TET1: variants seen among roughly 807,000 people sequenced by gnomAD.
TET1 encodes the protein methylcytosine dioxygenase TET1.
A neutral mutation model predicts 148.7 loss-of-function variants in TET1; 13 were observed. The observed-to-expected ratio is 0.09, with a 90% CI of 0.06 to 0.14. The LOEUF (loss-of-function observed/expected upper bound fraction) is 0.14. Ranked by LOEUF, TET1 falls within the 10% of genes least tolerant of loss-of-function variation. TET1 has a pLI of 1.00. For synonymous variants in TET1, 907 were observed against 937.2 expected, an observed-to-expected ratio of 0.97 and a Z score of 0.59; for missense variants, 2,182 against 2,553.8, an observed-to-expected ratio of 0.85 and a Z score of 3.14.
At chr10:68,585,097 C>T (rs1211481276) in intron 2 of TET1, among the ~76,000 whole-genome samples, 2 of 152,108 alleles carry the variant, frequency 1.3e-5, no homozygotes, top group African/African-American at 2.4e-5. Context: ...CTCTGCCTCC[C>T]GGGTTCAATC....
chr10:68,568,285 C>G (rs1033763461), intron 1 of TET1, among the ~76,000 whole-genome samples: 8 of 138,218 alleles, frequency 5.8e-5, no homozygotes, highest in African/African-American at 2.2e-4. Flanking sequence ...TGCAATGGTG[C>G]GATCTTGGCT....
chr10:68,634,810 T>G (rs35875474), intron 3 of TET1, among the ~76,000 whole-genome samples: 73,311 of 151,878 alleles, frequency 0.48, 18,833 homozygotes, highest in Non-Finnish European at 0.58. Flanking sequence ...TGTCGCCCAG[T>G]CTGGAGTGCG....
At chr10:68,601,973 T>C (rs1452826216) in intron 3 of TET1, among the ~76,000 whole-genome samples, 5 of 152,220 alleles carry the variant, frequency 3.3e-5, no homozygotes, top group Non-Finnish European at 5.9e-5. Flanking sequence ...GAACTATGAA[T>C]GTGGCAGAAT....
rs765094207 is a variant in TET1 at position 68,645,136 on chromosome 10, G to A, written c.2407G>A (p.Ala803Thr). Reference sequence around the variant, plus strand: ...AAAAGACACTGCAAACCATAAAAACGCTATGAGCTCTGTTGCTACTGATAT... The same window carrying A: ...AAAAGACACTGCAAACCATAAAAACACTATGAGCTCTGTTGCTACTGATAT... ...FLKDTANHKN[A>T]MSSVATDMSC... The change falls in exon 4 of 12, where the codon GCT (alanine) becomes ACT (threonine). Residue 803 changes from alanine to threonine, a missense_variant. By Grantham distance (58) the Ala-to-Thr change is moderately conservative. Transcript: ENST00000373644. 20 of 1,613,754 alleles carry A rather than the reference G, an allele frequency of 1.2e-5. No individual in the cohort carries two copies. Among genetic ancestry groups the A allele is most frequent in the East Asian group, 4.5e-5 (2 of 44,890 alleles).
At chr10:68,564,505 T>C (rs1264489710) in intron 1 of TET1, among the ~76,000 whole-genome samples, 1 of 152,182 alleles carries the variant, frequency 6.6e-6, no homozygotes, top group Non-Finnish European at 1.5e-5. Flanking sequence ...AAAAGATCTG[T>C]TGATTGAGTA....
At chr10:68,604,654 A>G (rs2054100120) in intron 3 of TET1, among the ~76,000 whole-genome samples, 1 of 152,194 alleles carries the variant, frequency 6.6e-6, no homozygotes, top group African/African-American at 2.4e-5. Context: ...CCTCTGATGT[A>G]GTACACGCTG....
At chr10:68,684,787 C>T (rs2055487967) in intron 10 of TET1, among the ~76,000 whole-genome samples, 1 of 152,090 alleles carries the variant, frequency 6.6e-6, no homozygotes, top group Non-Finnish European at 1.5e-5. Context: ...GGTTTACTCT[C>T]TACTCCTTAT....
At chr10:68,596,027 C>CATAT (rs1554932889) in intron 2 of TET1, among the ~76,000 whole-genome samples, 9,235 of 61,392 alleles carry the variant, frequency 0.15, 1,301 homozygotes, top group Non-Finnish European at 0.19. Context: ...CACACACACA[C>CATAT]ATATATATAT....
At chr10:68,606,833 T>C (rs2054132067) in intron 3 of TET1, among the ~76,000 whole-genome samples, 2 of 152,228 alleles carry the variant, frequency 1.3e-5, no homozygotes, top group African/African-American at 4.8e-5. Context: ...ATTGTCTTTA[T>C]TGAACTCATT....
Position 68,646,908 on chromosome 10 carries a change from A to G in TET1, c.4179A>G (p.Lys1393=). ...TTTCCACAGTGGACAGTGCACAGAA[A>G]AATTTTAATGATTATGCCATGAACT... The part of the protein sequence containing the change: ...SEFSTVDSAQ[K]NFNDYAMNFF... Residue 1393 remains lysine, a synonymous_variant, in exon 4 of 12, where the codon AAA becomes AAG. Coordinates refer to ENST00000373644, the MANE Select transcript of TET1 (RefSeq NM_030625.3). 6.2e-7 allele frequency: 1 copy of G among 1,614,198 alleles called. No individual in the cohort carries two copies. Among genetic ancestry groups the G allele is most frequent in the Non-Finnish European group, 8.5e-7 (1 of 1,180,036 alleles).
At chr10:68,568,369 C>T (rs2053630246) in intron 1 of TET1, among the ~76,000 whole-genome samples, 1 of 151,720 alleles carries the variant, frequency 6.6e-6, no homozygotes, top group Non-Finnish European at 1.5e-5. Context: ...ATTACAGGCG[C>T]CCACCACCAC....
chr10:68,687,734 T>A (rs945525563), intron 11 of TET1, among the ~76,000 whole-genome samples: 1 of 152,016 alleles, frequency 6.6e-6, no homozygotes, highest in African/African-American at 2.4e-5. Flanking sequence ...GACTGTAGTG[T>A]GTGTGCCACT....
chr10:68,617,919 TTCTC>T (rs1025473523), intron 3 of TET1, among the ~76,000 whole-genome samples: 2 of 152,022 alleles, frequency 1.3e-5, no homozygotes, highest in East Asian at 1.9e-4. Flanking sequence ...ATTTCTTTCT[TTCTC>T]TTTTTTTTTT....
At chr10:68,628,328 C>G (rs7917200) in intron 3 of TET1, among the ~76,000 whole-genome samples, 76,656 of 152,074 alleles carry the variant, frequency 0.5, 19,981 homozygotes, top group Non-Finnish European at 0.58. Flanking sequence ...GAAAACAAGT[C>G]TTTTTCTCTG....
At chr10:68,673,102 A>G (rs2055297074) in intron 8 of TET1, 57 bp downstream of exon 8, 3 of 1,472,230 alleles carry the variant, frequency 2.0e-6, no homozygotes, top group Admixed American at 3.9e-5. Flanking sequence ...TGAATATGTA[A>G]GTGCATTCCT....
intron 3 of TET1, among the ~76,000 whole-genome samples, chr10:68,618,413 T>A (rs911268274): frequency 4.6e-5 from 7 of 152,182 alleles, no homozygotes; most frequent in Non-Finnish European, 1.5e-5. Context: ...ATTCCTTCTT[T>A]ATCTTGCCCT....
At chr10:68,580,133 G>A (rs1056027963) in intron 2 of TET1, among the ~76,000 whole-genome samples, 2 of 151,234 alleles carry the variant, frequency 1.3e-5, no homozygotes, top group African/African-American at 2.4e-5. Flanking sequence ...TCTCCATGTT[G>A]GTCAGGCTGG....
rs115494526 is a variant in TET1 at position 68,655,194 on chromosome 10, G to C, written c.4461+2600G>C. On this transcript the variant is annotated intron_variant, in intron 6 of 11. Transcript: ENST00000373644. ...TTGTTTGTTTAAAGAAAGAAACAAA[G>C]AAAATAAACTAGATTCTCAGAAGCC... 8.9e-3 allele frequency among the ~76,000 whole-genome samples: 1,350 copies of C among 152,228 alleles called. 16 individuals carry two copies. The highest frequency in any genetic ancestry group is 0.031 in the African/African-American group (1,273 of 41,554).
At chr10:68,590,009 T>C (rs1165912697) in intron 2 of TET1, among the ~76,000 whole-genome samples, 1 of 152,160 alleles carries the variant, frequency 6.6e-6, no homozygotes, top group Non-Finnish European at 1.5e-5. Context: ...AACTGCTCAT[T>C]ACATGGTTTA....
Sources: gnomAD v4.1 joint callset for allele counts (sites outside exome capture counted in the v4.1 genomes callset) on GRCh38, gnomAD v4.1.1 for gene constraint, MANE v1.5 for transcripts, NCBI Gene and HGNC (gene_info 2026-07-23, HGNC 2026-07-21) for gene names.